NUDT7: variants seen among roughly 807,000 people sequenced by gnomAD.
NUDT7 encodes peroxisomal coenzyme A diphosphatase NUDT7.
A neutral mutation model predicts 13.1 loss-of-function variants in NUDT7; 19 were observed. That is an observed-to-expected ratio of 1.45 (90% CI 1.01 to 2.13). The LOEUF is 2.13. NUDT7 is among the 30% of genes most tolerant of loss of function. NUDT7 has a pLI of 0.00. For missense variants in NUDT7, 360 were observed against 291.7 expected (o/e 1.23, Z -1.71); for synonymous variants, 132 against 109.7 (o/e 1.20, Z -1.27).
intron 2 of NUDT7, among the ~76,000 whole-genome samples, chr16:77,727,733 G>A (rs1489359872): frequency 2.0e-5 from 3 of 152,248 alleles, no homozygotes; most frequent in South Asian, 4.1e-4. Context: ...GTGGGTGCCT[G>A]TAATCCCAGC....
chr16:77,725,430 G>T lies in NUDT7; in HGVS notation c.36-1G>T. ...GTCTGTCTGGTTTGTTTTTATTTTA[G>T]AAACAGTTTGCTAGATGATGCTAAG... On this transcript the variant is annotated splice_acceptor_variant, in intron 1 of 3. Transcript: ENST00000268533. LOFTEE classifies it high-confidence loss of function. 1 of 1,606,268 alleles carries T rather than the reference G, an allele frequency of 6.2e-7. No individual in the cohort carries two copies.
In NUDT7 at chr16:77,741,584, A is replaced by AGAT. The variant is rs769173179; in HGVS notation, c.352_354dup (p.Asp118dup). The AGAT allele has an allele frequency of 8.8e-6, 14 of 1,599,420 alleles. No individual in the cohort carries two copies. The highest frequency in any genetic ancestry group is 1.2e-5 in the Non-Finnish European group (14 of 1,175,304). On this transcript the variant is annotated inframe_insertion, in exon 4 of 4. Transcript: ENST00000268533. ...TCTGTTTTGTTTTCTGCTTTTAGAC[A>AGAT]GATACATTGATAACTCCATTTGTGG...
intron 2 of NUDT7, among the ~76,000 whole-genome samples, chr16:77,728,354 T>C (rs2014207933): frequency 1.3e-5 from 2 of 152,122 alleles, no homozygotes; most frequent in South Asian, 4.1e-4. Flanking sequence ...CACCTCAGCC[T>C]CCCAATTAGC....
At chr16:77,730,241 C>T (rs1234941168) in intron 2 of NUDT7, among the ~76,000 whole-genome samples, 1 of 152,132 alleles carries the variant, frequency 6.6e-6, no homozygotes, top group Non-Finnish European at 1.5e-5. Context: ...TCCTGACTGG[C>T]TGAAACTTTT....
intron 2 of NUDT7, among the ~76,000 whole-genome samples, chr16:77,731,445 G>T (rs7192154): frequency 0.094 from 14,362 of 152,146 alleles, 775 homozygotes; most frequent in African/African-American, 0.15. Context: ...CATAGCACAA[G>T]ACATTACTCA....
intron 2 of NUDT7, chr16:77,735,396 A>T (rs747471072): frequency 7.3e-5 from 43 of 588,122 alleles, no homozygotes; most frequent in Non-Finnish European, 6.1e-6. Context: ...CGCTCCAGCC[A>T]TGTGAAGTGC....
chr16:77,727,470 G>GGGGA (rs1255684577), intron 2 of NUDT7, among the ~76,000 whole-genome samples: 1 of 152,326 alleles, frequency 6.6e-6, no homozygotes, highest in East Asian at 1.9e-4. Flanking sequence ...CAGGTTCCAG[G>GGGGA]GGGAAATACT....
chr16:77,727,104 C>A (rs1567426777), intron 2 of NUDT7, among the ~76,000 whole-genome samples: 1 of 152,094 alleles, frequency 6.6e-6, no homozygotes, highest in East Asian at 1.9e-4. Context: ...GTGATCCAGT[C>A]ACCTCCAACC....
rs2014109366 is a variant in NUDT7 at position 77,725,588 on chromosome 16, G to A, written c.189+4G>A. 1.9e-6 allele frequency: 3 copies of A among 1,612,726 alleles called. No homozygotes were observed. In the South Asian group the frequency reaches 3.3e-5, roughly 18 times the overall value. ...GTTCACCGTCCGGTCAGAGAAGGTAGGTGGACAAAAAATTTCCTGCCCTTA... is the reference window on the plus strand; with the variant it reads ...GTTCACCGTCCGGTCAGAGAAGGTAAGTGGACAAAAAATTTCCTGCCCTTA... On this transcript the variant is annotated splice_donor_region_variant and intron_variant, in intron 2 of 3. Transcript: ENST00000268533.
At chr16:77,726,831 G>A (rs2014152061) in intron 2 of NUDT7, among the ~76,000 whole-genome samples, 1 of 151,996 alleles carries the variant, frequency 6.6e-6, no homozygotes, top group African/African-American at 2.4e-5. Flanking sequence ...AAATATCTGA[G>A]TCTGGGTAAT....
At chr16:77,737,218 T>A (rs1226701961) in intron 3 of NUDT7, among the ~76,000 whole-genome samples, 1 of 152,220 alleles carries the variant, frequency 6.6e-6, no homozygotes, top group African/African-American at 2.4e-5. Flanking sequence ...CTGTCCTGGA[T>A]CTCATCTAAG....
In NUDT7 at chr16:77,742,230, G is replaced by A; in HGVS notation, c.*280G>A. Reference sequence around the variant, plus strand: ...AATAAAGAATATCTGGCACATACTAGGCCCTTAATAAAGATTTTTTGAATA... The same window carrying A: ...AATAAAGAATATCTGGCACATACTAAGCCCTTAATAAAGATTTTTTGAATA... On this transcript the variant is annotated 3_prime_UTR_variant, in exon 4 of 4. Transcript: ENST00000268533. The A allele has an allele frequency of 1.3e-6, 1 of 795,510 alleles. No homozygotes were observed. The highest frequency in any genetic ancestry group is 1.6e-6 in the Non-Finnish European group (1 of 623,624). 49.3% of individuals were successfully genotyped at this position (795,510 alleles called of 1,614,324 possible). A position where few individuals can be genotyped will look rare whatever the true frequency, so the allele number is the denominator to read the frequency against.
In NUDT7 at chr16:77,725,599, A is replaced by C. The variant is rs2014109753; in HGVS notation, c.189+15A>C. On this transcript the variant is annotated intron_variant, in intron 2 of 3. Coordinates refer to ENST00000268533, the MANE Select transcript of NUDT7 (RefSeq NM_001105663.3). ...GGTCAGAGAAGGTAGGTGGACAAAA[A>C]ATTTCCTGCCCTTAAACCTCAGGAC... 1 of 1,612,520 alleles carries C rather than the reference A, an allele frequency of 6.2e-7. No homozygotes were observed. The highest frequency in any genetic ancestry group is 1.7e-5 in the Admixed American group (1 of 59,774).
chr16:77,724,106 A>C (rs891530136), intron 1 of NUDT7, among the ~76,000 whole-genome samples: 2 of 151,980 alleles, frequency 1.3e-5, no homozygotes, highest in African/African-American at 4.8e-5. Context: ...GCAGGGCCTC[A>C]CTCCCTTAGA....
intron 2 of NUDT7, among the ~76,000 whole-genome samples, chr16:77,734,460 A>C (rs2014415062): frequency 6.6e-6 from 1 of 152,160 alleles, no homozygotes; most frequent in African/African-American, 2.4e-5. Context: ...CGTCTCTACT[A>C]AAAATACAAA....
intron 3 of NUDT7, among the ~76,000 whole-genome samples, chr16:77,740,765 C>G (rs1156856031): frequency 6.6e-6 from 1 of 152,048 alleles, no homozygotes; most frequent in Admixed American, 6.6e-5. Context: ...CTAGGCTGGT[C>G]TCAAACTCCT....
In NUDT7 at chr16:77,732,773, CTGT is replaced by C. The variant is rs140842824; in HGVS notation, c.190-3049_190-3047del. ...CTAATGCATTTTTCAGAACGTGTCC[CTGT>C]TGTTGAGTAACACGTGACTGTACAT... On this transcript the variant is annotated intron_variant, in intron 2 of 3. Coordinates refer to ENST00000268533, the MANE Select transcript of NUDT7 (RefSeq NM_001105663.3). Among the ~76,000 whole-genome samples the C allele has an allele frequency of 9.6e-3, 1,461 of 152,288 alleles. 19 individuals carry two copies. The highest frequency in any genetic ancestry group is 0.032 in the African/African-American group (1,328 of 41,554).
At position 77,735,279 on chromosome 16, in the gene NUDT7, C is replaced by T. The variant is rs113314877; in HGVS notation, c.190-549C>T. On this transcript the variant is annotated intron_variant, in intron 2 of 3. Coordinates refer to ENST00000268533, the MANE Select transcript of NUDT7 (RefSeq NM_001105663.3). Reference sequence around the variant, plus strand: ...GGCCTGGTGGGAGGTGATTTGATCACGTGGGCGGATTTCCCCCTTGGTACT... The same window carrying T: ...GGCCTGGTGGGAGGTGATTTGATCATGTGGGCGGATTTCCCCCTTGGTACT... 31 of 406,222 alleles carry T rather than the reference C, an allele frequency of 7.6e-5. 1 individual carries two copies. Among genetic ancestry groups the T allele is most frequent in the African/African-American group, 1.2e-4 (6 of 49,380 alleles). The allele number at this position is 406,222 out of a possible 1,614,324, so 25.2% of individuals were successfully genotyped here. A position where few individuals can be genotyped will look rare whatever the true frequency, so the allele number is the denominator to read the frequency against.
At chr16:77,728,719 T>C (rs1007312217) in intron 2 of NUDT7, among the ~76,000 whole-genome samples, 12 of 152,198 alleles carry the variant, frequency 7.9e-5, no homozygotes, top group Middle Eastern at 3.2e-3. Context: ...GTTATCTCCT[T>C]GTCCGGGTCC....
Sources: allele counts gnomAD v4.1 joint callset (sites outside exome capture counted in the v4.1 genomes callset), GRCh38; gene constraint gnomAD v4.1.1; transcripts MANE v1.5; gene names NCBI Gene and HGNC (gene_info 2026-07-23, HGNC 2026-07-21).